USH1C: variants seen among roughly 807,000 people sequenced by gnomAD.
USH1C encodes the protein harmonin.
In USH1C, 90 loss-of-function variants were observed where a neutral mutation model predicts 119.3. The ratio of observed to expected loss-of-function variants is 0.75; its 90% confidence interval spans 0.64 to 0.90. USH1C has a LOEUF of 0.90. Among genes scored for constraint, USH1C ranks in the 40% least tolerant of loss-of-function variants. The pLI, the probability that USH1C is intolerant of heterozygous loss-of-function variation, is 0.00. For missense variants in USH1C, 1,165 were observed against 1,167.7 expected, an observed-to-expected ratio of 1.00 and a Z score of 0.03; for synonymous variants, 465 against 443.3, an observed-to-expected ratio of 1.05 and a Z score of -0.62.
chr11:17,543,920 G>C (rs1309264141), intron 1 of USH1C, among the ~76,000 whole-genome samples: 2 of 152,236 alleles, frequency 1.3e-5, no homozygotes, highest in African/African-American at 2.4e-5. Context: ...GCCCTGAGCT[G>C]GGGGCACTAG....
intron 1 of USH1C, chr11:17,534,011 C>T (rs1851121015): frequency 3.7e-6 from 1 of 273,208 alleles, no homozygotes; most frequent in Admixed American, 4.3e-5. Context: ...AGGTCAGGTT[C>T]AGGAGTTGTG....
chr11:17,523,035 T>C lies in USH1C; in HGVS notation c.877-109A>G, dbSNP rs187781105. 14 of 1,588,022 alleles carry C rather than the reference T, an allele frequency of 8.8e-6. No individual in the cohort carries two copies. The East Asian group carries it at 2.5e-4, about 28-fold the overall frequency. ...TGGTCTTCTCAGCACCATCAGGCAC[T>C]GCGGCTCCCGCAATCCCTGACCCAA... is the stretch of plus-strand genomic sequence containing the variant. On this transcript the variant is annotated intron_variant, in intron 11 of 26. Transcript: ENST00000005226.
At chr11:17,518,106 C>T (rs1850237803) in intron 14 of USH1C, among the ~76,000 whole-genome samples, 1 of 152,352 alleles carries the variant, frequency 6.6e-6, no homozygotes, top group African/African-American at 2.4e-5. Flanking sequence ...GGTAGTATAC[C>T]CGTTTGCTTG....
intron 15 of USH1C, 58 bp from the exon 16 acceptor site, chr11:17,512,112 G>T: frequency 6.3e-7 from 1 of 1,575,964 alleles, no homozygotes; most frequent in East Asian, 2.2e-5. Context: ...CGACAGCACA[G>T]CACACGGGGC....
At chr11:17,499,218 G>A (rs1849349538) in intron 23 of USH1C, among the ~76,000 whole-genome samples, 1 of 152,178 alleles carries the variant, frequency 6.6e-6, no homozygotes, top group African/African-American at 2.4e-5. Flanking sequence ...CACTCTCCAG[G>A]TTACATTGAA....
At position 17,495,622 on chromosome 11, in the gene USH1C, C is replaced by T. The variant is rs1288927074; in HGVS notation, c.2602G>A (p.Glu868Lys). ...ESPQPVRKLLEDRAAVHRHGF... is the reference protein window; with the variant it reads ...ESPQPVRKLLKDRAAVHRHGF... ...TGTCTGTGCACGGCAGCACGGTCTT[C>T]AAGGAGCTTTCGGACCGGTTGGGGG... The change falls in exon 26 of 27, where the codon GAA (glutamate) becomes AAA (lysine). Residue 868 changes from glutamate to lysine, a missense_variant. Coordinates refer to ENST00000005226, the MANE Select transcript of USH1C (RefSeq NM_153676.4). 2 of 1,614,244 alleles carry T rather than the reference C, an allele frequency of 1.2e-6. No homozygotes were observed. Among genetic ancestry groups the T allele is most frequent in the Non-Finnish European group, 1.7e-6 (2 of 1,180,038 alleles).
At chr11:17,512,190 C>T (rs1175406627) in intron 15 of USH1C, 136 bp from the exon 16 acceptor site, 1 of 966,014 alleles carries the variant, frequency 1.0e-6, no homozygotes, top group Non-Finnish European at 1.6e-6. Context: ...CCACTCTGGA[C>T]ATCAGACCTC....
Position 17,538,175 on chromosome 11 carries a change from T to C in USH1C, c.37-4853A>G, listed in dbSNP as rs561565333. ...AAATAGCTGTTGGGGATCTCTATTA[T>C]CATCCCTGCTACCCCCTGCCCCTGC... On this transcript the variant is annotated intron_variant, in intron 1 of 26. Coordinates refer to ENST00000005226, the MANE Select transcript of USH1C (RefSeq NM_153676.4). Among the ~76,000 whole-genome samples, 7 of 152,318 alleles carry C rather than the reference T, an allele frequency of 4.6e-5. No individual in the cohort carries two copies. In the East Asian group the frequency reaches 1.4e-3, roughly 29 times the overall value.
At chr11:17,498,122 G>T (rs1222014782) in intron 24 of USH1C, 40 bp downstream of exon 24, 2 of 1,579,368 alleles carry the variant, frequency 1.3e-6, no homozygotes, top group Non-Finnish European at 1.7e-6. Context: ...TTTGAGGCAG[G>T]CAGGTGAGGG....
chr11:17,520,672 C>T (rs755741979), intron 14 of USH1C, among the ~76,000 whole-genome samples, 198 bp downstream of exon 14: 25 of 152,192 alleles, frequency 1.6e-4, no homozygotes, highest in Non-Finnish European at 3.2e-4. Flanking sequence ...GGAGCTGGCC[C>T]GTGAACAAGG....
intron 13 of USH1C, 144 bp downstream of exon 13, chr11:17,521,202 A>T: frequency 9.4e-7 from 1 of 1,058,644 alleles, no homozygotes; most frequent in Admixed American, 1.8e-5. Flanking sequence ...CTATAATATG[A>T]CAGGCTTTAC....
At chr11:17,498,017 G>T in intron 24 of USH1C, 145 bp downstream of exon 24, 1 of 664,906 alleles carries the variant, frequency 1.5e-6, no homozygotes, top group Non-Finnish European at 2.7e-6. Context: ...CCACAGGCTG[G>T]ATGGGGTATG....
chr11:17,495,781 C>T, intron 25 of USH1C, 104 bp from the exon 26 acceptor site: 5 of 1,269,026 alleles, frequency 3.9e-6, no homozygotes, highest in Non-Finnish European at 5.7e-6. Flanking sequence ...TCGGGTTCTG[C>T]CTAGCCCCTG....
At chr11:17,507,226 G>T (rs1849685853) in intron 18 of USH1C, among the ~76,000 whole-genome samples, 1 of 152,224 alleles carries the variant, frequency 6.6e-6, no homozygotes, top group Non-Finnish European at 1.5e-5. Context: ...ACAAGGGTGA[G>T]AGGTGGGCCA....
intron 23 of USH1C, among the ~76,000 whole-genome samples, chr11:17,499,162 A>G (rs557883777): frequency 6.6e-6 from 1 of 152,336 alleles, no homozygotes; most frequent in East Asian, 1.9e-4. Flanking sequence ...CTTTGACATC[A>G]GAGCCCTTTT....
chr11:17,496,501 G>T (rs764089717), intron 25 of USH1C, among the ~76,000 whole-genome samples: 2 of 152,148 alleles, frequency 1.3e-5, no homozygotes, highest in Non-Finnish European at 2.9e-5. Context: ...CTGCTTACCC[G>T]GTCTAAGACC....
chr11:17,516,494 G>A (rs750646410), intron 14 of USH1C: 23 of 615,354 alleles, frequency 3.7e-5, no homozygotes, highest in South Asian at 8.8e-5. Flanking sequence ...TAAGACCACC[G>A]AGAAAAGCCC....
In USH1C at chr11:17,526,379, G is replaced by A; in HGVS notation, c.642C>T (p.Ile214=). ...NRENKEKKVF[I]SLVGSRGLGC... The stretch of plus-strand genomic sequence containing the variant: ...CAAGGCCTCGGGAGCCTACCAGGCT[G>A]ATGAAGACCTTCTTCTCCTTGTTTT... Residue 214 remains isoleucine, a synonymous_variant, in exon 8 of 27, where the codon ATC becomes ATT. Transcript: ENST00000005226. 6.2e-7 allele frequency: 1 copy of A among 1,614,124 alleles called. No individual in the cohort carries two copies. The highest frequency in any genetic ancestry group is 8.5e-7 in the Non-Finnish European group (1 of 1,180,030).
At chr11:17,517,859 C>T (rs886747354) in intron 14 of USH1C, among the ~76,000 whole-genome samples, 1 of 152,202 alleles carries the variant, frequency 6.6e-6, no homozygotes, top group African/African-American at 2.4e-5. Flanking sequence ...ACAGACCCTC[C>T]AGCCTTGTGC....
Sources: allele counts gnomAD v4.1 joint callset (sites outside exome capture counted in the v4.1 genomes callset), GRCh38; gene constraint gnomAD v4.1.1; transcripts MANE v1.5; gene names NCBI Gene and HGNC (gene_info 2026-07-23, HGNC 2026-07-21).